The following FANK1 variants were observed in gnomAD, a reference collection of about 807,000 sequenced individuals.
FANK1 encodes fibronectin type 3 and ankyrin repeat domains protein 1.
Under a neutral mutation model 45.3 loss-of-function variants are expected in FANK1, and 44 were observed. The observed-to-expected ratio is 0.97, with a 90% CI of 0.76 to 1.25. The LOEUF is 1.25. Ranked by LOEUF, FANK1 falls within the 50% of genes most tolerant of loss-of-function variation. FANK1 has a pLI of 0.00. For synonymous variants in FANK1, 149 were observed against 152.5 expected (o/e 0.98, Z 0.17); for missense variants, 391 against 424.4 (o/e 0.92, Z 0.69).
At chr10:125,991,908 ACTCTGCCCTG>A (rs772834394) in intron 3 of FANK1, among the ~76,000 whole-genome samples, 12 of 152,004 alleles carry the variant, frequency 7.9e-5, no homozygotes, top group Non-Finnish European at 1.5e-4. Flanking sequence ...CCTCAAGACC[ACTCTGCCCTG>A]CTCTGCCCTT....
intron 1 of FANK1, among the ~76,000 whole-genome samples, chr10:125,924,688 G>C (rs1947212331): frequency 6.6e-6 from 1 of 151,788 alleles, no homozygotes; most frequent in Non-Finnish European, 1.5e-5. Context: ...GTGAGCCTGT[G>C]GTCCCAGCTA....
At chr10:125,913,127 A>T (rs982328101) in intron 1 of FANK1, among the ~76,000 whole-genome samples, 11 of 152,212 alleles carry the variant, frequency 7.2e-5, no homozygotes, top group Non-Finnish European at 1.5e-4. Context: ...TTTTAAGGGA[A>T]TCTTGTGGCT....
At chr10:125,984,787 T>C (rs1197498801) in intron 2 of FANK1, among the ~76,000 whole-genome samples, 1 of 152,150 alleles carries the variant, frequency 6.6e-6, no homozygotes, top group Non-Finnish European at 1.5e-5. Context: ...AACATTTGCT[T>C]ATTGACTGAT....
intron 1 of FANK1, among the ~76,000 whole-genome samples, chr10:125,964,957 G>A (rs930929953): frequency 2.0e-5 from 3 of 152,154 alleles, no homozygotes; most frequent in Admixed American, 6.5e-5. Context: ...TTGGGAGTTC[G>A]AGACCAGCCT....
chr10:125,934,727 T>TG (rs1351418772), intron 1 of FANK1, among the ~76,000 whole-genome samples: 1 of 6,746 alleles, frequency 1.5e-4, no homozygotes, highest in Non-Finnish European at 3.8e-4. Flanking sequence ...CCCTACCGTT[T>TG]TTTTTTTTTT....
intron 3 of FANK1, among the ~76,000 whole-genome samples, chr10:125,992,901 T>C (rs1291974069): frequency 6.6e-6 from 1 of 152,236 alleles, no homozygotes; most frequent in Non-Finnish European, 1.5e-5. Context: ...CATTTACTTA[T>C]GATGTTCATC....
intron 3 of FANK1, chr10:125,994,775 C>G (rs1952195469): frequency 1.0e-6 from 1 of 985,152 alleles, no homozygotes; most frequent in African/African-American, 1.7e-5. Flanking sequence ...AGCTGATGTC[C>G]CCTGTACAAA....
chr10:125,950,638 G>C (rs1949147005), intron 1 of FANK1, among the ~76,000 whole-genome samples: 1 of 152,162 alleles, frequency 6.6e-6, no homozygotes, highest in Admixed American at 6.5e-5. Context: ...CTTTTACACT[G>C]TTGGTGGGAC....
chr10:125,928,578 C>T (rs2134138897), intron 1 of FANK1, among the ~76,000 whole-genome samples: 1 of 152,300 alleles, frequency 6.6e-6, no homozygotes, highest in South Asian at 2.1e-4. Flanking sequence ...GATGGAGTTG[C>T]TCTTTTTCAA....
chr10:125,938,861 C>T (rs2134150860), intron 1 of FANK1, among the ~76,000 whole-genome samples: 1 of 152,180 alleles, frequency 6.6e-6, no homozygotes, highest in Admixed American at 6.5e-5. Context: ...GTATACAGAA[C>T]CAGCTTGAAG....
At chr10:125,943,497 C>A (rs1948584233) in intron 1 of FANK1, among the ~76,000 whole-genome samples, 1 of 152,166 alleles carries the variant, frequency 6.6e-6, no homozygotes, top group South Asian at 2.1e-4. Flanking sequence ...AACCATTCTC[C>A]CTTTTCCTCT....
chr10:125,994,348 A>C (rs926448198), intron 3 of FANK1: 1 of 976,678 alleles, frequency 1.0e-6, no homozygotes, highest in African/African-American at 1.8e-5. Context: ...CCTAGAGCCT[A>C]GCACAGGACT....
intron 1 of FANK1, among the ~76,000 whole-genome samples, chr10:125,924,806 C>CAAAA (rs58856642): frequency 1.8e-4 from 13 of 70,644 alleles, no homozygotes; most frequent in Admixed American, 4.3e-4. Context: ...GACCCCATCT[C>CAAAA]AAAAAAAAAA....
intron 1 of FANK1, chr10:125,973,718 A>G (rs1238264017): frequency 6.6e-6 from 1 of 152,498 alleles, no homozygotes; most frequent in Non-Finnish European, 1.5e-5. Context: ...ATTTTGCCAT[A>G]TATGTCATAA....
At chr10:125,966,808 T>C (rs1299097293) in intron 1 of FANK1, among the ~76,000 whole-genome samples, 1 of 152,222 alleles carries the variant, frequency 6.6e-6, no homozygotes, top group African/African-American at 2.4e-5. Flanking sequence ...CTTTTTTCCA[T>C]AAGAATAAGT....
chr10:125,977,159 C>T (rs1160427106), intron 1 of FANK1, among the ~76,000 whole-genome samples: 2 of 152,130 alleles, frequency 1.3e-5, no homozygotes, highest in Admixed American at 6.5e-5. Context: ...ATTTGGAGGG[C>T]GTATGACACT....
At chr10:125,988,990 T>C (rs1951750306) in intron 3 of FANK1, among the ~76,000 whole-genome samples, 1 of 152,114 alleles carries the variant, frequency 6.6e-6, no homozygotes, top group Non-Finnish European at 1.5e-5. Context: ...AGCCTAAGCG[T>C]CCCCACACAG....
intron 1 of FANK1, among the ~76,000 whole-genome samples, chr10:125,951,071 T>C (rs376005847): frequency 8.5e-6 from 1 of 117,302 alleles, no homozygotes; most frequent in Non-Finnish European, 1.6e-5. Context: ...GGAAGGGGAA[T>C]ATCACACTCT....
chr10:125,904,508 A>G (rs1417797228), intron 1 of FANK1, among the ~76,000 whole-genome samples: 1 of 151,594 alleles, frequency 6.6e-6, no homozygotes, highest in Non-Finnish European at 1.5e-5. Flanking sequence ...GGCTATTCAC[A>G]GTCAAGTTCC....
Sources: allele counts gnomAD v4.1 joint callset (sites outside exome capture counted in the v4.1 genomes callset), GRCh38; gene constraint gnomAD v4.1.1; transcripts MANE v1.5; gene names NCBI Gene and HGNC (gene_info 2026-07-23, HGNC 2026-07-21).